The following MTHFD1L variants were observed in gnomAD, a reference collection of about 807,000 sequenced individuals.
MTHFD1L encodes methylenetetrahydrofolate dehydrogenase (NADP+ dependent) 1 like, also known as monofunctional C1-tetrahydrofolate synthase, mitochondrial.
MTHFD1L carries 81 observed loss-of-function variants against 119.5 expected under a neutral mutation model. The observed-to-expected ratio is 0.68, with a 90% CI of 0.57 to 0.82. The LOEUF (loss-of-function observed/expected upper bound fraction) is 0.82. Among genes scored for constraint, MTHFD1L ranks in the 40% least tolerant of loss-of-function variants. MTHFD1L has a pLI of 0.00. For missense variants in MTHFD1L, 1,125 were observed against 1,253.4 expected (o/e 0.90, Z 1.55); for synonymous variants, 430 against 475.2 (o/e 0.90, Z 1.24).
At chr6:151,047,360 A>G (rs1375523631) in intron 26 of MTHFD1L, among the ~76,000 whole-genome samples, 1 of 152,232 alleles carries the variant, frequency 6.6e-6, no homozygotes, top group Non-Finnish European at 1.5e-5. Context: ...CAGAATGTTT[A>G]ATTACATCAG....
At chr6:150,954,656 T>C (rs1795350497) in intron 16 of MTHFD1L, among the ~76,000 whole-genome samples, 1 of 151,352 alleles carries the variant, frequency 6.6e-6, no homozygotes, top group South Asian at 2.1e-4. Flanking sequence ...GCCACTGCAC[T>C]CCAGCCTGCA....
intron 13 of MTHFD1L, among the ~76,000 whole-genome samples, chr6:150,939,961 A>C (rs1007952069): frequency 6.6e-6 from 1 of 152,018 alleles, no homozygotes; most frequent in Non-Finnish European, 1.5e-5. Context: ...TTAGGATTAC[A>C]GGCGTGAGCC....
At chr6:151,071,566 C>T (rs1036832942) in intron 26 of MTHFD1L, among the ~76,000 whole-genome samples, 2 of 151,678 alleles carry the variant, frequency 1.3e-5, no homozygotes, top group African/African-American at 2.4e-5. Context: ...CGTTGAACTT[C>T]GCATGGTTCT....
At chr6:150,867,424 G>A (rs897791966) in intron 1 of MTHFD1L, among the ~76,000 whole-genome samples, 1 of 152,096 alleles carries the variant, frequency 6.6e-6, no homozygotes, top group Non-Finnish European at 1.5e-5. Flanking sequence ...ACTCCTGGGC[G>A]CAAGCCATCA....
At chr6:150,899,847 CTGT>C (rs1784831178) in intron 7 of MTHFD1L, among the ~76,000 whole-genome samples, 2 of 151,850 alleles carry the variant, frequency 1.3e-5, no homozygotes, top group Non-Finnish European at 2.9e-5. Flanking sequence ...TGGCATGCGC[CTGT>C]AATCCTAGCT....
rs562534030 is a variant in MTHFD1L at position 150,900,790 on chromosome 6, C to T, written c.781-4860C>T. ...CAGCTCTTTGGGAGGCTGAGGCGGG[C>T]AGATCACGAGGTCAGGAGATCGAGA... is the stretch of plus-strand genomic sequence containing the variant. On this transcript the variant is annotated intron_variant, in intron 7 of 27. Transcript: ENST00000367321. Among the ~76,000 whole-genome samples the T allele has an allele frequency of 5.9e-5, 9 of 151,900 alleles. No homozygotes were observed. In the East Asian group the frequency reaches 1.6e-3, roughly 26 times the overall value.
chr6:151,031,447 G>A (rs780501183), intron 24 of MTHFD1L, among the ~76,000 whole-genome samples: 5 of 152,198 alleles, frequency 3.3e-5, no homozygotes, highest in South Asian at 2.1e-4. Context: ...AGGTAGGAGC[G>A]CCCCAAGGGC....
At position 150,898,895 on chromosome 6, in the gene MTHFD1L, G is replaced by C. The variant is rs375601432; in HGVS notation, c.781-6755G>C. On this transcript the variant is annotated intron_variant, in intron 7 of 27. Transcript: ENST00000367321. The stretch of plus-strand genomic sequence containing the variant: ...GTTCTGTCACCAGGCTGGAGTGCAG[G>C]CGCGTGATCTAGGCTCACTGCAAGC... 5.0e-4 allele frequency: 313 copies of C among 626,916 alleles called. 1 individual carries two copies. In the African/African-American group the frequency reaches 5.9e-3, roughly 12 times the overall value. The allele number at this position is 626,916 out of a possible 1,614,324, so 38.8% of individuals were successfully genotyped here.
rs1335199323 is a variant in MTHFD1L at position 151,012,027 on chromosome 6, A to C, written c.2266-1752A>C. Among the ~76,000 whole-genome samples, 725 of 119,682 alleles carry C rather than the reference A, an allele frequency of 6.1e-3. 1 individual carries two copies. Among genetic ancestry groups the C allele is most frequent in the East Asian group, 0.017 (32 of 1,934 alleles). The allele number at this position is 119,682 out of a possible 152,430, so 78.5% of individuals were successfully genotyped here. A position where few individuals can be genotyped will look rare whatever the true frequency, so the allele number is the denominator to read the frequency against. ...AACAACAACAACAACAACAAAAAAA[A>C]AAAAAAAAAAAAAAAAAAAAAAAAC... is the stretch of plus-strand genomic sequence containing the variant. On this transcript the variant is annotated intron_variant, in intron 21 of 27. Coordinates refer to ENST00000367321, the MANE Select transcript of MTHFD1L (RefSeq NM_015440.5).
intron 20 of MTHFD1L, among the ~76,000 whole-genome samples, chr6:150,981,557 T>C (rs1246468355): frequency 3.3e-5 from 5 of 152,222 alleles, no homozygotes; most frequent in African/African-American, 1.2e-4. Flanking sequence ...TGTTCTCTAA[T>C]GAGGTCACTG....
intron 1 of MTHFD1L, among the ~76,000 whole-genome samples, chr6:150,871,972 G>A (rs1455492031): frequency 2.0e-5 from 3 of 151,582 alleles, no homozygotes; most frequent in Non-Finnish European, 4.4e-5. Flanking sequence ...CTGCCTCCCG[G>A]GTTCAATAAA....
intron 26 of MTHFD1L, among the ~76,000 whole-genome samples, chr6:151,086,602 ACTGTAGCCTCGACCTCCTGGG>A (rs1362524560): frequency 4.6e-5 from 7 of 152,166 alleles, no homozygotes; most frequent in African/African-American, 1.4e-4. Flanking sequence ...CACATGGCTT[ACTGTAGCCTCGACCTCCTGGG>A]CTCAAGAGAT....
intron 20 of MTHFD1L, among the ~76,000 whole-genome samples, chr6:150,998,538 C>T (rs1052025487): frequency 6.6e-6 from 1 of 150,836 alleles, no homozygotes; most frequent in Admixed American, 6.7e-5. Context: ...ATTCAAAAAT[C>T]CAAAATCCAA....
rs1223818690 is a variant in MTHFD1L at position 150,905,662 on chromosome 6, G to T, written c.793G>T (p.Asp265Tyr). Residue 265 changes from aspartate (D) to tyrosine (Y), a missense_variant, in exon 8 of 28, where the codon GAC becomes TAC. Asp to Tyr is a radical substitution (Grantham distance 160). This residue lies in a region of MTHFD1L where 1,058 missense variants were observed against 1,151.2 expected (regional missense o/e 0.92). Transcript: ENST00000367321. The part of the protein sequence containing the change: ...RQLQSKLHEA[D>Y]IVVLGSPKPE... Reference sequence around the variant, plus strand: ...TTTCTCCTTTTAGCTTCACGAGGCTGACATTGTGGTCCTAGGCTCACCTAA... The same window carrying T: ...TTTCTCCTTTTAGCTTCACGAGGCTTACATTGTGGTCCTAGGCTCACCTAA... 1 of 1,613,768 alleles carries T rather than the reference G, an allele frequency of 6.2e-7. No homozygotes were observed. The highest frequency in any genetic ancestry group is 8.5e-7 in the Non-Finnish European group (1 of 1,179,894).
At chr6:150,897,930 C>T (rs999223252) in intron 7 of MTHFD1L, among the ~76,000 whole-genome samples, 2 of 152,166 alleles carry the variant, frequency 1.3e-5, no homozygotes, top group African/African-American at 4.8e-5. Flanking sequence ...CCGCAGTCTC[C>T]GCCTCCCAGG....
intron 14 of MTHFD1L, 44 bp downstream of exon 14, chr6:150,944,637 G>C: frequency 7.1e-7 from 1 of 1,405,788 alleles, no homozygotes; most frequent in Middle Eastern, 1.8e-4. Flanking sequence ...TTGTATCCTG[G>C]AATTCCTGGA....
At chr6:150,883,600 T>C (rs1349611105) in intron 5 of MTHFD1L, among the ~76,000 whole-genome samples, 1 of 152,076 alleles carries the variant, frequency 6.6e-6, no homozygotes, top group Non-Finnish European at 1.5e-5. Flanking sequence ...AAAAGCAAAA[T>C]AAATACTTTT....
intron 16 of MTHFD1L, among the ~76,000 whole-genome samples, chr6:150,953,849 G>A (rs1244320849): frequency 2.0e-5 from 3 of 152,212 alleles, no homozygotes; most frequent in Non-Finnish European, 4.4e-5. Context: ...GCAGGAAAGA[G>A]GTTTTTAGTT....
chr6:151,048,175 A>AT (rs1426518095), intron 26 of MTHFD1L, among the ~76,000 whole-genome samples: 1 of 152,128 alleles, frequency 6.6e-6, no homozygotes, highest in Non-Finnish European at 1.5e-5. Context: ...ACCATAGCAC[A>AT]TGCCTTTCCC....
Sources: gnomAD v4.1 joint callset for allele counts (sites outside exome capture counted in the v4.1 genomes callset) on GRCh38, gnomAD v4.1.1 for gene constraint, gnomAD v4.1.1 regional missense constraint, MANE v1.5 for transcripts, NCBI Gene and HGNC (gene_info 2026-07-23, HGNC 2026-07-21) for gene names.